TPM1: variants seen among roughly 807,000 people sequenced by gnomAD.
TPM1 encodes the protein tropomyosin alpha-1 chain.
In TPM1, 24 loss-of-function variants were observed where a neutral mutation model predicts 42.9. The observed-to-expected ratio is 0.56, with a 90% CI of 0.41 to 0.79. TPM1 has a LOEUF of 0.79. Among genes scored for constraint, TPM1 ranks in the 30% least tolerant of loss-of-function variants. TPM1 has a pLI of 0.00. For synonymous variants in TPM1, 136 were observed against 130.1 expected (o/e 1.05, Z -0.31); for missense variants, 158 against 351.8 (o/e 0.45, Z 4.41).
intron 2 of TPM1, chr15:63,048,622 G>C: frequency 6.5e-7 from 1 of 1,535,560 alleles, no homozygotes; most frequent in East Asian, 2.5e-5. Context: ...AAGATCCGGA[G>C]CCTGCAGGAG....
At chr15:63,048,550 C>T (rs927410236) in intron 2 of TPM1, 13 of 1,518,286 alleles carry the variant, frequency 8.6e-6, no homozygotes, top group Non-Finnish European at 1.1e-5. Context: ...CACTGCAGCC[C>T]TCCCGCCCGC....
intron 8 of TPM1, chr15:63,063,000 TGTG>T (rs1430761326): frequency 2.9e-6 from 4 of 1,364,808 alleles, no homozygotes; most frequent in South Asian, 2.1e-5. Context: ...TTGGGAATGA[TGTG>T]GTGATTGTGG....
chr15:63,048,606 C>A (rs777033105), intron 2 of TPM1: 4 of 1,532,898 alleles, frequency 2.6e-6, no homozygotes, highest in South Asian at 1.2e-5. Flanking sequence ...GGAGGCGGTG[C>A]GCAGGAAGAT....
intron 8 of TPM1, chr15:63,062,896 G>A (rs1256954509): frequency 3.1e-5 from 46 of 1,473,468 alleles, no homozygotes; most frequent in Non-Finnish European, 4.0e-5. Context: ...CTCATTACAA[G>A]TGTGGCAGGT....
intron 2 of TPM1, chr15:63,048,145 T>A (rs1185134283): frequency 9.2e-6 from 4 of 434,604 alleles, no homozygotes; most frequent in African/African-American, 4.2e-5. Context: ...CCAGCAGGAG[T>A]CGCTATTGCC....
downstream of TPM1, chr15:63,070,481 C>T: frequency 2.0e-6 from 2 of 994,578 alleles, no homozygotes; most frequent in Non-Finnish European, 2.4e-6. Flanking sequence ...ATGCTTTACT[C>T]AGTCTAATGG....
chr15:63,064,598 G>T, intron 9 of TPM1: 2 of 1,031,484 alleles, frequency 1.9e-6, no homozygotes, highest in Non-Finnish European at 1.2e-6. Context: ...GAGAATCTGA[G>T]GATAAGGAAA....
intron 2 of TPM1, among the ~76,000 whole-genome samples, chr15:63,053,341 G>A (rs2140854683): frequency 6.6e-6 from 1 of 152,264 alleles, no homozygotes; most frequent in East Asian, 1.9e-4. Flanking sequence ...GATCTCAGGA[G>A]AGATAAAGAC....
Position 63,048,601 on chromosome 15 carries a change from C to T in TPM1, c.240+4449C>T, listed in dbSNP as rs1057519196. The T allele has an allele frequency of 5.9e-6, 9 of 1,531,558 alleles. No homozygotes were observed. The highest frequency in any genetic ancestry group is 1.8e-4 in the Middle Eastern group (1 of 5,408). The allele number at this position is 1,531,558 out of a possible 1,614,324, so 94.9% of individuals were successfully genotyped here. A position where few individuals can be genotyped will look rare whatever the true frequency, so the allele number is the denominator to read the frequency against. ...ATGGCGGGGAGTAGCTCGCTGGAGG[C>T]GGTGCGCAGGAAGATCCGGAGCCTG... is the stretch of plus-strand genomic sequence containing the variant. On this transcript the variant is annotated intron_variant, in intron 2 of 9. Coordinates refer to ENST00000403994, the MANE Select transcript of TPM1 (RefSeq NM_001018005.2).
At position 63,044,231 on chromosome 15, in the gene TPM1, T is replaced by G. The variant is rs562891830; in HGVS notation, c.240+79T>G. The G allele has an allele frequency of 6.8e-6, 11 of 1,609,612 alleles. No individual in the cohort carries two copies. The African/African-American group carries it at 1.2e-4, about 18-fold the overall frequency. Reference sequence around the variant, plus strand: ...GGGTCACCACAGGGCTGGAGAGCAATGAAGGAAGTTTACCTTTTCCTGCTG... The same window carrying G: ...GGGTCACCACAGGGCTGGAGAGCAAGGAAGGAAGTTTACCTTTTCCTGCTG... On this transcript the variant is annotated intron_variant, in intron 2 of 9. Coordinates refer to ENST00000403994, the MANE Select transcript of TPM1 (RefSeq NM_001018005.2).
intron 5 of TPM1, 133 bp from the exon 6 acceptor site, chr15:63,061,580 G>A (rs561608032): frequency 6.7e-6 from 6 of 893,136 alleles, no homozygotes; most frequent in South Asian, 6.6e-5. Context: ...TTTAATACCT[G>A]ATGATTTGGC....
chr15:63,047,256 T>A (rs925141397), intron 2 of TPM1: 7 of 152,148 alleles, frequency 4.6e-5, no homozygotes, highest in Non-Finnish European at 8.8e-5. Context: ...CCACAGAAAA[T>A]GAGGCAGGAA....
chr15:63,060,276 C>T (rs887383529), intron 4 of TPM1, among the ~76,000 whole-genome samples: 3 of 152,160 alleles, frequency 2.0e-5, no homozygotes, highest in African/African-American at 4.8e-5. Context: ...CAGCATTGCC[C>T]CTCCTTTTTA....
chr15:63,048,628 A>G, intron 2 of TPM1: 1 of 1,536,994 alleles, frequency 6.5e-7, no homozygotes, highest in African/African-American at 1.4e-5. Flanking sequence ...CGGAGCCTGC[A>G]GGAGCAGGCG....
intron 9 of TPM1, 22 bp downstream of exon 9, chr15:63,064,164 C>T (rs1299879637): frequency 1.2e-6 from 2 of 1,611,104 alleles, no homozygotes; most frequent in South Asian, 1.1e-5. Flanking sequence ...TCCACTCTGC[C>T]TGCTTACACC....
intron 1 of TPM1, 102 bp from the exon 2 acceptor site, chr15:63,043,925 T>A (rs1220495188): frequency 6.4e-7 from 1 of 1,556,452 alleles, no homozygotes; most frequent in Non-Finnish European, 8.7e-7. Flanking sequence ...TCTCTCCCGC[T>A]GTCCCTGTCC....
intron 9 of TPM1, chr15:63,064,904 T>A (rs928579355): frequency 1.3e-6 from 1 of 763,334 alleles, no homozygotes; most frequent in Admixed American, 6.3e-5. Flanking sequence ...GAGGTGGAGC[T>A]TGCAGTCAGC....
intron 9 of TPM1, 182 bp from the exon 10 acceptor site, chr15:63,065,714 T>A: frequency 2.1e-6 from 2 of 938,628 alleles, no homozygotes; most frequent in Non-Finnish European, 2.5e-6. Flanking sequence ...AAAGGCGGCC[T>A]GTGACGGCCT....
intron 2 of TPM1, 182 bp downstream of exon 2, chr15:63,044,334 T>G: frequency 2.4e-6 from 2 of 838,722 alleles, no homozygotes; most frequent in Non-Finnish European, 3.8e-6. Flanking sequence ...TTCATTTATA[T>G]TTCATCCACT....
Sources: allele counts gnomAD v4.1 joint callset (sites outside exome capture counted in the v4.1 genomes callset), GRCh38; gene constraint gnomAD v4.1.1; transcripts MANE v1.5; gene names NCBI Gene and HGNC (gene_info 2026-07-23, HGNC 2026-07-21).